SORT1: variants seen among roughly 807,000 people sequenced by gnomAD.
SORT1 encodes sortilin 1, also known as sortilin.
In SORT1, 39 loss-of-function variants were observed where a neutral mutation model predicts 101.7. That is an observed-to-expected ratio of 0.38 (90% CI 0.30 to 0.50). The LOEUF (loss-of-function observed/expected upper bound fraction) is 0.50, where lower values mean the gene tolerates loss of function less well. Ranked by LOEUF, SORT1 falls within the 20% of genes least tolerant of loss-of-function variation. The probability of loss-of-function intolerance (pLI) is 0.90; values close to 1 mark genes in which losing one functional copy is unlikely to be tolerated. For synonymous variants in SORT1, 396 were observed against 393.7 expected (o/e 1.01, Z -0.07); for missense variants, 878 against 1,040.4 (o/e 0.84, Z 2.15).
Position 109,367,498 on chromosome 1 carries a change from G to A in SORT1, c.367-17C>T, listed in dbSNP as rs765209730. ...TAGAATGACCTGGAGAGAGAAAAAA[G>A]CATTCCGTAAATAAAAAAGATATTC... On this transcript the variant is annotated splice_polypyrimidine_tract_variant and intron_variant, in intron 2 of 19. Transcript: ENST00000256637. 6.7e-7 allele frequency: 1 copy of A among 1,489,192 alleles called. No individual in the cohort carries two copies. The highest frequency in any genetic ancestry group is 1.2e-5 in the South Asian group (1 of 86,576). The allele number at this position is 1,489,192 out of a possible 1,614,324, so 92.2% of individuals were successfully genotyped here.
chr1:109,373,567 G>A (rs1196101597), intron 1 of SORT1, among the ~76,000 whole-genome samples: 1 of 152,102 alleles, frequency 6.6e-6, no homozygotes, highest in East Asian at 1.9e-4. Flanking sequence ...GTTATTTCAA[G>A]GAAATTGGGT....
intron 9 of SORT1, among the ~76,000 whole-genome samples, chr1:109,341,474 G>A (rs754499078): frequency 6.6e-6 from 1 of 152,118 alleles, no homozygotes; most frequent in Admixed American, 6.5e-5. Context: ...AGCCTCCTGA[G>A]TAGCTGGGAC....
intron 19 of SORT1, 43 bp downstream of exon 19, chr1:109,314,218 T>C (rs900518477): frequency 8.8e-7 from 1 of 1,136,520 alleles, no homozygotes; most frequent in African/African-American, 1.7e-5. Context: ...TCTTGTATTT[T>C]TTGGGGGGGG....
intron 1 of SORT1, among the ~76,000 whole-genome samples, chr1:109,372,939 G>C (rs1364774793): frequency 6.6e-6 from 1 of 150,958 alleles, no homozygotes; most frequent in Non-Finnish European, 1.5e-5. Context: ...GCCAGGCGCG[G>C]TAGCTACTCG....
chr1:109,323,597 G>A (rs1647786291), intron 14 of SORT1, among the ~76,000 whole-genome samples: 1 of 152,188 alleles, frequency 6.6e-6, no homozygotes, highest in Non-Finnish European at 1.5e-5. Context: ...AGGAAGAAGG[G>A]AAAACATCCT....
chr1:109,315,748 CTTTTTTTTTTTT>C (rs553898685), intron 17 of SORT1, among the ~76,000 whole-genome samples: 1 of 124,732 alleles, frequency 8.0e-6, no homozygotes, highest in Admixed American at 8.4e-5. Context: ...GCCTCATAAC[CTTTTTTTTTTTT>C]TTTTTTTTTT....
rs1480930216 is a variant in SORT1 at position 109,323,197 on chromosome 1, G to T, written c.1835-76C>A. On this transcript the variant is annotated intron_variant, in intron 14 of 19. Transcript: ENST00000256637. ...ACGGGAGGCAGCTGCCAGGCTATAGGAAGAACAAGGAGAGGGAAAGTGGGA... is the reference window on the plus strand; with the variant it reads ...ACGGGAGGCAGCTGCCAGGCTATAGTAAGAACAAGGAGAGGGAAAGTGGGA... 1.3e-4 allele frequency: 125 copies of T among 991,750 alleles called. 1 individual carries two copies. Among genetic ancestry groups the T allele is most frequent in the Non-Finnish European group, 1.4e-4 (90 of 650,162 alleles). 61.4% of individuals were successfully genotyped at this position (991,750 alleles called of 1,614,324 possible). A position where few individuals can be genotyped will look rare whatever the true frequency, so the allele number is the denominator to read the frequency against.
At chr1:109,326,478 CACACACAT>C in intron 13 of SORT1, among the ~76,000 whole-genome samples, 2 of 115,900 alleles carry the variant, frequency 1.7e-5, no homozygotes, top group African/African-American at 6.4e-5. Context: ...TACACACACA[CACACACAT>C]ATATATACAC....
chr1:109,315,634 A>G (rs1475189633), intron 17 of SORT1, among the ~76,000 whole-genome samples: 1 of 151,732 alleles, frequency 6.6e-6, no homozygotes, highest in East Asian at 1.9e-4. Flanking sequence ...CCTGCTGTTG[A>G]GCATCTGAAG....
chr1:109,325,608 A>C, intron 13 of SORT1, among the ~76,000 whole-genome samples: 1 of 152,200 alleles, frequency 6.6e-6, no homozygotes, highest in East Asian at 1.9e-4. Context: ...AGAATATGAA[A>C]GTAAATACCT....
chr1:109,378,639 A>G (rs1163945414), intron 1 of SORT1, among the ~76,000 whole-genome samples: 1 of 145,366 alleles, frequency 6.9e-6, no homozygotes, highest in African/African-American at 2.5e-5. Context: ...AAAATAATGA[A>G]TCATATAAAA....
intron 3 of SORT1, among the ~76,000 whole-genome samples, chr1:109,357,170 T>C (rs1055833732): frequency 2.6e-5 from 4 of 152,246 alleles, no homozygotes; most frequent in African/African-American, 9.6e-5. Context: ...CTCTACAGGT[T>C]TGTTGCCTAG....
chr1:109,318,938 C>G (rs936864337), intron 15 of SORT1, among the ~76,000 whole-genome samples: 10 of 152,158 alleles, frequency 6.6e-5, no homozygotes, highest in Non-Finnish European at 1.0e-4. Context: ...AACCACTGTG[C>G]CTTGCTAATT....
chr1:109,365,661 A>G (rs1438307764), intron 3 of SORT1, among the ~76,000 whole-genome samples: 2 of 152,250 alleles, frequency 1.3e-5, no homozygotes, highest in Non-Finnish European at 2.9e-5. Context: ...TCATTCATTT[A>G]TTCAATTATT....
In SORT1 at chr1:109,327,156, G is replaced by A. The variant is rs368640868; in HGVS notation, c.1479C>T (p.Ser493=). Residue 493 remains serine (S), a synonymous_variant, in exon 13 of 20, where the codon AGC becomes AGT. Transcript: ENST00000256637. ...NAVGIVIAHG[S]VGDAISVMVP... Reference sequence around the variant, plus strand: ...CCATCACTGAGATGGCATCCCCCACGCTACCTGCAATATAATCCACCATCT... The same window carrying A: ...CCATCACTGAGATGGCATCCCCCACACTACCTGCAATATAATCCACCATCT... 2.8e-5 allele frequency: 45 copies of A among 1,610,804 alleles called. No individual in the cohort carries two copies. The highest frequency in any genetic ancestry group is 8.4e-5 in the Admixed American group (5 of 59,826).
intron 3 of SORT1, among the ~76,000 whole-genome samples, chr1:109,365,559 C>T (rs1420728574): frequency 1.3e-5 from 2 of 152,270 alleles, no homozygotes; most frequent in African/African-American, 4.8e-5. Context: ...CCTACTATAG[C>T]GCTTTCTAGC....
At chr1:109,395,856 C>T (rs1389873253) in intron 1 of SORT1, among the ~76,000 whole-genome samples, 1 of 152,106 alleles carries the variant, frequency 6.6e-6, no homozygotes, top group African/African-American at 2.4e-5. Flanking sequence ...GGGTGGAGCA[C>T]TTGAGCCCAG....
chr1:109,363,453 A>G (rs1191128058), intron 3 of SORT1, among the ~76,000 whole-genome samples: 1 of 152,212 alleles, frequency 6.6e-6, no homozygotes, highest in African/African-American at 2.4e-5. Context: ...GTGTGTATGC[A>G]TGTACATACA....
At chr1:109,382,008 A>T (rs982112686) in intron 1 of SORT1, among the ~76,000 whole-genome samples, 2 of 152,108 alleles carry the variant, frequency 1.3e-5, no homozygotes, top group African/African-American at 4.8e-5. Context: ...TCCCACCTCC[A>T]ATTGGCAGAA....
Sources: allele counts gnomAD v4.1 joint callset (sites outside exome capture counted in the v4.1 genomes callset), GRCh38; gene constraint gnomAD v4.1.1; transcripts MANE v1.5; gene names NCBI Gene and HGNC (gene_info 2026-07-23, HGNC 2026-07-21).